Variants in FBXL20 observed in about 807,000 individuals in gnomAD.
FBXL20 encodes the protein F-box/LRR-repeat protein 20.
A neutral mutation model predicts 64.0 loss-of-function variants in FBXL20; 11 were observed. The ratio of observed to expected loss-of-function variants is 0.17; its 90% confidence interval spans 0.11 to 0.28. The LOEUF (loss-of-function observed/expected upper bound fraction) is 0.28, where lower values mean the gene tolerates loss of function less well. Among genes scored for constraint, FBXL20 ranks in the 10% least tolerant of loss-of-function variants. The pLI is 1.00. For synonymous variants in FBXL20, 184 were observed against 189.0 expected (o/e 0.97, Z 0.22); for missense variants, 303 against 526.2 (o/e 0.58, Z 4.15).
rs1023570194 is a variant in FBXL20 at position 39,252,791 on chromosome 17, A to G, written c.*8669T>C. ...ACTTTTTTTTTTTTTTTTTAGTCCA[A>G]AGATTTTTAAAGCAAAAGGAATCCT... On this transcript the variant is annotated 3_prime_UTR_variant, in exon 15 of 15. Transcript: ENST00000264658. The G allele has an allele frequency of 6.6e-6, 1 of 151,048 alleles. No homozygotes were observed. The highest frequency in any genetic ancestry group is 1.5e-5 in the Non-Finnish European group (1 of 67,808). 9.4% of individuals were successfully genotyped at this position (151,048 alleles called of 1,614,324 possible).
At chr17:39,305,557 A>G (rs954090070) in intron 2 of FBXL20, among the ~76,000 whole-genome samples, 1 of 152,104 alleles carries the variant, frequency 6.6e-6, no homozygotes, top group African/African-American at 2.4e-5. Context: ...GAAAAGAAAA[A>G]ACATAGCTTT....
rs1170331713 is a variant in FBXL20, at chr17:39,328,007, G to A, written c.104+15173C>T. Among the ~76,000 whole-genome samples the A allele has an allele frequency of 5.3e-5, 8 of 152,190 alleles. No individual in the cohort carries two copies. The East Asian group carries it at 1.5e-3, about 29-fold the overall frequency. On this transcript the variant is annotated intron_variant, in intron 2 of 14. Transcript: ENST00000264658. ...TCATGCCTGTAATCCCAGCACTTTGGGAGGCCAAGGCAGGCGCATCACATG... is the reference window on the plus strand; with the variant it reads ...TCATGCCTGTAATCCCAGCACTTTGAGAGGCCAAGGCAGGCGCATCACATG...
intron 2 of FBXL20, among the ~76,000 whole-genome samples, chr17:39,336,808 T>C (rs932656130): frequency 2.7e-5 from 4 of 148,886 alleles, no homozygotes; most frequent in African/African-American, 5.0e-5. Context: ...TGGGCGACAG[T>C]GTGAGACACC....
At position 39,385,880 on chromosome 17, in the gene FBXL20, A is replaced by C. The variant is rs562288542; in HGVS notation, c.42+15481T>G. ...TCCTGTCTCTACTAAAAATACAAAA[A>C]TTAATTGGGCATGGTGGCGTGTGCC... On this transcript the variant is annotated intron_variant, in intron 1 of 14. Transcript: ENST00000264658. Among the ~76,000 whole-genome samples the C allele has an allele frequency of 1.6e-3, 243 of 152,074 alleles. 2 individuals are homozygous for C. The highest frequency in any genetic ancestry group is 3.2e-3 in the Admixed American group (49 of 15,232).
chr17:39,308,722 CG>C (rs1232222781), intron 2 of FBXL20, among the ~76,000 whole-genome samples: 1 of 151,868 alleles, frequency 6.6e-6, no homozygotes, highest in African/African-American at 2.4e-5. Context: ...CGAACCACCA[CG>C]CCCGGCTAAT....
At chr17:39,329,282 TTAA>T in intron 2 of FBXL20, among the ~76,000 whole-genome samples, 1 of 152,190 alleles carries the variant, frequency 6.6e-6, no homozygotes, top group African/African-American at 2.4e-5. Flanking sequence ...TAAGTTAAAT[TTAA>T]TAATGAAGGA....
chr17:39,361,139 A>C (rs894105912), intron 1 of FBXL20, among the ~76,000 whole-genome samples: 1 of 152,064 alleles, frequency 6.6e-6, no homozygotes, highest in African/African-American at 2.4e-5. Flanking sequence ...AAGTCACCTG[A>C]GTGTTAGGGA....
intron 1 of FBXL20, among the ~76,000 whole-genome samples, chr17:39,375,288 A>G (rs1487135042): frequency 6.6e-6 from 1 of 152,196 alleles, no homozygotes; most frequent in Non-Finnish European, 1.5e-5. Flanking sequence ...GGAGGTCAAA[A>G]TAAGGTACTG....
intron 6 of FBXL20, among the ~76,000 whole-genome samples, chr17:39,294,065 T>A (rs2144423751): frequency 6.6e-6 from 1 of 152,150 alleles, no homozygotes; most frequent in South Asian, 2.1e-4. Context: ...AAACTGGTCT[T>A]CTAGGTTTTG....
intron 9 of FBXL20, among the ~76,000 whole-genome samples, chr17:39,280,965 T>C (rs1260626511): frequency 6.6e-6 from 1 of 152,178 alleles, no homozygotes; most frequent in Non-Finnish European, 1.5e-5. Flanking sequence ...GGTTTTGTCA[T>C]GTTGCCTAGG....
At chr17:39,358,808 C>A (rs1351979140) in intron 1 of FBXL20, among the ~76,000 whole-genome samples, 2 of 152,066 alleles carry the variant, frequency 1.3e-5, no homozygotes, top group African/African-American at 4.8e-5. Flanking sequence ...ATATCTATCT[C>A]AGGAGTTAAC....
intron 3 of FBXL20, among the ~76,000 whole-genome samples, chr17:39,302,943 G>C (rs200579720): frequency 1.3e-5 from 2 of 150,776 alleles, no homozygotes; most frequent in East Asian, 1.9e-4. Flanking sequence ...ACAGAGTCTC[G>C]CTCTGTCGCC....
At chr17:39,290,412 T>G (rs764147700) in intron 6 of FBXL20, among the ~76,000 whole-genome samples, 1 of 152,156 alleles carries the variant, frequency 6.6e-6, no homozygotes, top group Non-Finnish European at 1.5e-5. Flanking sequence ...CCAGTACATG[T>G]TGAACAGCTG....
In FBXL20 at chr17:39,360,383, G is replaced by A. The variant is rs1294782275; in HGVS notation, c.43-17142C>T. On this transcript the variant is annotated intron_variant, in intron 1 of 14. Coordinates refer to ENST00000264658, the MANE Select transcript of FBXL20 (RefSeq NM_032875.3). ...CTGTACACTTGAAATTGCTTTACGTGGTACATCTTATGCATATTTTATAAT... is the reference window on the plus strand; with the variant it reads ...CTGTACACTTGAAATTGCTTTACGTAGTACATCTTATGCATATTTTATAAT... Among the ~76,000 whole-genome samples, 48 of 152,118 alleles carry A rather than the reference G, an allele frequency of 3.2e-4. No individual in the cohort carries two copies. In the South Asian group the frequency reaches 9.1e-3, roughly 29 times the overall value.
chr17:39,336,831 AAAAAG>A (rs1276501240), intron 2 of FBXL20, among the ~76,000 whole-genome samples: 1 of 151,994 alleles, frequency 6.6e-6, no homozygotes, highest in Non-Finnish European at 1.5e-5. Flanking sequence ...CTCAAAAAAA[AAAAAG>A]AAAAGAAAAA....
intron 2 of FBXL20, 112 bp downstream of exon 2, chr17:39,343,068 T>A (rs982882805): frequency 1.0e-5 from 6 of 585,552 alleles, no homozygotes; most frequent in Admixed American, 3.8e-5. Flanking sequence ...AATTTAAAAA[T>A]TCAGATACAG....
intron 1 of FBXL20, among the ~76,000 whole-genome samples, chr17:39,361,721 T>G (rs1333658951): frequency 2.0e-5 from 3 of 151,558 alleles, no homozygotes; most frequent in Non-Finnish European, 4.4e-5. Context: ...TGCTTGAACC[T>G]GGGAGGCGGA....
intron 2 of FBXL20, among the ~76,000 whole-genome samples, chr17:39,335,578 G>A (rs1375423730): frequency 2.5e-4 from 22 of 86,386 alleles, no homozygotes; most frequent in Admixed American, 2.0e-3. Flanking sequence ...GTGAGACTCC[G>A]TCTCAAAAAA....
chr17:39,383,749 CT>C (rs2144660496), intron 1 of FBXL20, among the ~76,000 whole-genome samples: 1 of 151,850 alleles, frequency 6.6e-6, no homozygotes, highest in African/African-American at 2.4e-5. Flanking sequence ...GTCACCATGC[CT>C]GGCTAATTTT....
Sources: gnomAD v4.1 joint callset for allele counts (sites outside exome capture counted in the v4.1 genomes callset) on GRCh38, gnomAD v4.1.1 for gene constraint, MANE v1.5 for transcripts, NCBI Gene and HGNC (gene_info 2026-07-23, HGNC 2026-07-21) for gene names.